The following CDH12 variants were observed in gnomAD, a reference collection of about 807,000 sequenced individuals.
The protein encoded by CDH12 is cadherin-12.
Under a neutral mutation model 74.1 loss-of-function variants are expected in CDH12, and 41 were observed. The ratio of observed to expected loss-of-function variants is 0.55; its 90% CI spans 0.43 to 0.72. The LOEUF (loss-of-function observed/expected upper bound fraction) is 0.72, where lower values mean the gene tolerates loss of function less well. Among genes scored for constraint, CDH12 ranks in the 30% least tolerant of loss-of-function variants. The pLI is 0.00. For synonymous variants in CDH12, 399 were observed against 355.0 expected (o/e 1.12, Z -1.39); for missense variants, 945 against 977.2 (o/e 0.97, Z 0.44).
chr5:22,373,265 C>A (rs1212103694), intron 3 of CDH12, among the ~76,000 whole-genome samples: 1 of 152,200 alleles, frequency 6.6e-6, no homozygotes, highest in Non-Finnish European at 1.5e-5. Flanking sequence ...AGTTGGCACC[C>A]CCTGGCATGA....
intron 1 of CDH12, among the ~76,000 whole-genome samples, chr5:22,665,763 G>A (rs1740581651): frequency 6.6e-6 from 1 of 151,896 alleles, no homozygotes; most frequent in South Asian, 2.1e-4. Flanking sequence ...GGTAGCTGTT[G>A]ACCATCCAAA....
At chr5:22,621,328 T>C (rs1580823795) in intron 1 of CDH12, among the ~76,000 whole-genome samples, 1 of 152,138 alleles carries the variant, frequency 6.6e-6, no homozygotes, top group Admixed American at 6.5e-5. Flanking sequence ...TATTCACAGG[T>C]AGGAGGCATT....
At chr5:22,309,553 T>C (rs1364228234) in intron 3 of CDH12, among the ~76,000 whole-genome samples, 2 of 152,128 alleles carry the variant, frequency 1.3e-5, no homozygotes, top group Non-Finnish European at 2.9e-5. Context: ...CAATTAACAT[T>C]TCCCTCATCT....
chr5:22,365,752 T>C (rs922183972), intron 3 of CDH12, among the ~76,000 whole-genome samples: 1 of 152,180 alleles, frequency 6.6e-6, no homozygotes, highest in African/African-American at 2.4e-5. Flanking sequence ...CCACAAAAAA[T>C]TCTTCAACAT....
At chr5:22,282,878 C>T (rs749302037) in intron 3 of CDH12, among the ~76,000 whole-genome samples, 7 of 152,026 alleles carry the variant, frequency 4.6e-5, no homozygotes, top group Non-Finnish European at 8.8e-5. Flanking sequence ...ACCCAGCAAT[C>T]CCATTACTGA....
chr5:22,183,789 T>TA (rs1188265030), intron 4 of CDH12, among the ~76,000 whole-genome samples: 1 of 151,972 alleles, frequency 6.6e-6, no homozygotes, highest in Non-Finnish European at 1.5e-5. Context: ...AGTGCAATGT[T>TA]AAAAAATCCC....
In CDH12 at chr5:22,196,105, G is replaced by A. The variant is rs113573378; in HGVS notation, c.-187+16393C>T. On this transcript the variant is annotated intron_variant, in intron 4 of 14. Coordinates refer to ENST00000382254, the MANE Select transcript of CDH12 (RefSeq NM_004061.5). Reference sequence around the variant, plus strand: ...ACAGTGTGTATGTATGTGGGTGTGTGTGCATATGTGTGTATATCTCTGTCT... The same window carrying A: ...ACAGTGTGTATGTATGTGGGTGTGTATGCATATGTGTGTATATCTCTGTCT... Among the ~76,000 whole-genome samples, 594 of 151,362 alleles carry A rather than the reference G, an allele frequency of 3.9e-3. 8 individuals are homozygous for A. The highest frequency in any genetic ancestry group is 0.014 in the African/African-American group (558 of 41,222).
At chr5:21,940,751 C>T (rs184586927) in intron 6 of CDH12, among the ~76,000 whole-genome samples, 59 of 152,200 alleles carry the variant, frequency 3.9e-4, no homozygotes, top group Admixed American at 1.5e-3. Context: ...TGTAGTTAAA[C>T]TTGTTACTAG....
intron 2 of CDH12, among the ~76,000 whole-genome samples, chr5:22,501,941 C>T (rs1413716776): frequency 6.6e-6 from 1 of 152,080 alleles, no homozygotes; most frequent in Non-Finnish European, 1.5e-5. Flanking sequence ...GTGTCAGGAC[C>T]TGATATTCAT....
intron 5 of CDH12, among the ~76,000 whole-genome samples, chr5:22,021,128 C>T (rs1737945988): frequency 6.6e-6 from 1 of 152,146 alleles, no homozygotes; most frequent in African/African-American, 2.4e-5. Context: ...CAAGACTAAA[C>T]ACAATATTTA....
At chr5:22,446,985 A>G (rs558517873) in intron 2 of CDH12, among the ~76,000 whole-genome samples, 1 of 152,210 alleles carries the variant, frequency 6.6e-6, no homozygotes, top group African/African-American at 2.4e-5. Context: ...TGTTCCCTGT[A>G]TATAACACTA....
At chr5:22,020,781 C>A (rs963885160) in intron 5 of CDH12, among the ~76,000 whole-genome samples, 4 of 151,906 alleles carry the variant, frequency 2.6e-5, no homozygotes, top group African/African-American at 9.7e-5. Context: ...TGTCAATTAC[C>A]ACCTAAAGAC....
At chr5:22,226,083 T>C (rs1013165618) in intron 3 of CDH12, among the ~76,000 whole-genome samples, 2 of 152,004 alleles carry the variant, frequency 1.3e-5, no homozygotes, top group Non-Finnish European at 2.9e-5. Flanking sequence ...CCCTTTTCTT[T>C]TTTTTAACAT....
At chr5:22,525,894 T>C (rs1405473333) in intron 1 of CDH12, among the ~76,000 whole-genome samples, 2 of 152,138 alleles carry the variant, frequency 1.3e-5, no homozygotes, top group Non-Finnish European at 2.9e-5. Context: ...ATAGTGAGGA[T>C]TACCAAATCA....
chr5:21,866,090 C>T (rs1357179641), intron 6 of CDH12, among the ~76,000 whole-genome samples: 1 of 152,210 alleles, frequency 6.6e-6, no homozygotes, highest in East Asian at 1.9e-4. Context: ...CCATGTGAGA[C>T]ATGCCTTTCA....
intron 4 of CDH12, among the ~76,000 whole-genome samples, chr5:22,165,715 A>G (rs1748645895): frequency 6.6e-6 from 1 of 152,186 alleles, no homozygotes; most frequent in Admixed American, 6.5e-5. Context: ...GGAGGTCAGC[A>G]CAAGATACAG....
rs542077944 is a variant in CDH12, at chr5:21,917,511, C to A, written c.526+57580G>T. Among the ~76,000 whole-genome samples, 35 of 152,338 alleles carry A rather than the reference C, an allele frequency of 2.3e-4. No individual in the cohort carries two copies. In the South Asian group the frequency reaches 6.4e-3, roughly 28 times the overall value. On this transcript the variant is annotated intron_variant, in intron 6 of 14. Coordinates refer to ENST00000382254, the MANE Select transcript of CDH12 (RefSeq NM_004061.5). ...CATTCTTAGCTCCTCAGGGAGTTTT[C>A]ATTCATGTTTACCTTTATGCCTGTA...
chr5:22,185,265 C>T (rs527401554), intron 4 of CDH12, among the ~76,000 whole-genome samples: 2 of 145,398 alleles, frequency 1.4e-5, no homozygotes, highest in African/African-American at 5.1e-5. Flanking sequence ...GTGGTGCAAT[C>T]TTGGCTCACT....
intron 2 of CDH12, among the ~76,000 whole-genome samples, chr5:22,420,818 C>A (rs1351845286): frequency 6.6e-6 from 1 of 152,112 alleles, no homozygotes; most frequent in Non-Finnish European, 1.5e-5. Context: ...TTGTTTCTAT[C>A]TGTGAGCATA....
Sources: gnomAD v4.1 joint callset for allele counts (sites outside exome capture counted in the v4.1 genomes callset) on GRCh38, gnomAD v4.1.1 for gene constraint, MANE v1.5 for transcripts, NCBI Gene and HGNC (gene_info 2026-07-23, HGNC 2026-07-21) for gene names.